The following NT5C2 variants were observed in gnomAD, a reference collection of about 807,000 sequenced individuals.
NT5C2 encodes cytosolic purine 5'-nucleotidase.
Under a neutral mutation model 76.1 loss-of-function variants are expected in NT5C2, and 58 were observed. The observed-to-expected ratio is 0.76, with a 90% CI of 0.62 to 0.95. The LOEUF (loss-of-function observed/expected upper bound fraction) is 0.95, where lower values mean the gene tolerates loss of function less well. Ranked by LOEUF, NT5C2 falls within the 40% of genes least tolerant of loss-of-function variation. NT5C2 has a pLI of 0.00. For missense variants in NT5C2, 478 were observed against 690.3 expected (o/e 0.69, Z 3.45); for synonymous variants, 229 against 237.4 (o/e 0.96, Z 0.32).
intron 3 of NT5C2, among the ~76,000 whole-genome samples, chr10:103,164,665 A>G (rs2085911843): frequency 6.6e-6 from 1 of 152,246 alleles, no homozygotes; most frequent in African/African-American, 2.4e-5. Context: ...AGTAATTAAA[A>G]AGAACAAATT....
intron 6 of NT5C2, among the ~76,000 whole-genome samples, chr10:103,103,708 A>C (rs1452720183): frequency 6.6e-6 from 1 of 152,184 alleles, no homozygotes; most frequent in Non-Finnish European, 1.5e-5. Flanking sequence ...CAGAATAAAA[A>C]TTTATCAAAA....
chr10:103,173,779 GTAAA>G (rs2088987751), intron 3 of NT5C2, among the ~76,000 whole-genome samples: 1 of 150,556 alleles, frequency 6.6e-6, no homozygotes, highest in African/African-American at 2.4e-5. Context: ...AAAAAAATAA[GTAAA>G]TAAATAAAAA....
At chr10:103,166,611 AC>A (rs1416295525) in intron 3 of NT5C2, among the ~76,000 whole-genome samples, 1 of 120,294 alleles carries the variant, frequency 8.3e-6, no homozygotes, top group Non-Finnish European at 2.0e-5. Flanking sequence ...ATGATAAAAA[AC>A]AAACAAACAA....
intron 3 of NT5C2, among the ~76,000 whole-genome samples, chr10:103,157,296 T>C (rs1377913214): frequency 6.6e-6 from 1 of 152,076 alleles, no homozygotes; most frequent in Non-Finnish European, 1.5e-5. Flanking sequence ...CTTTAGACTT[T>C]GGCAGGGTAA....
intron 4 of NT5C2, among the ~76,000 whole-genome samples, chr10:103,108,035 A>C (rs927572846): frequency 4.6e-5 from 7 of 151,850 alleles, no homozygotes; most frequent in Admixed American, 1.3e-4. Context: ...GGCACCTGTA[A>C]TCCCAGCTAC....
At chr10:103,141,286 C>A (rs1307802852) in intron 3 of NT5C2, among the ~76,000 whole-genome samples, 1 of 151,970 alleles carries the variant, frequency 6.6e-6, no homozygotes, top group Non-Finnish European at 1.5e-5. Flanking sequence ...GGTGAGAACC[C>A]AACTCTACAA....
rs769321277 is a variant in NT5C2, at chr10:103,099,943, C to G, written c.616G>C (p.Asp206His). The G allele has an allele frequency of 1.2e-6, 2 of 1,611,362 alleles. No individual in the cohort carries two copies. The highest frequency in any genetic ancestry group is 1.7e-6 in the Non-Finnish European group (2 of 1,177,754). ...CTAGGTACCTTGTAATGAACCCAGT[C>G]AACAGCATCTCTTACATCCTGGAAC... is the stretch of plus-strand genomic sequence containing the variant. ...SMFQDVRDAVDWVHYKGSLKE... is the reference protein window; with the variant it reads ...SMFQDVRDAVHWVHYKGSLKE... Residue 206 changes from aspartate to histidine, a missense_variant, in exon 9 of 19, where the codon GAC becomes CAC. Physicochemically the swap from Asp to His is moderately conservative, Grantham distance 81 (BLOSUM62 -1). Coordinates refer to ENST00000404739, the MANE Select transcript of NT5C2 (RefSeq NM_001351169.2).
At chr10:103,098,306 A>T (rs890306561) in intron 10 of NT5C2, 7 of 258,526 alleles carry the variant, frequency 2.7e-5, no homozygotes, top group South Asian at 7.7e-5. Context: ...CAGATTTTTT[A>T]AAAAATTTTA....
At position 103,186,086 on chromosome 10, in the gene NT5C2, G is replaced by A. The variant is rs564049839; in HGVS notation, c.-168-4758C>T. Among the ~76,000 whole-genome samples the A allele has an allele frequency of 2.0e-5, 3 of 152,318 alleles. No individual in the cohort carries two copies. The South Asian group carries it at 6.2e-4, about 32-fold the overall frequency. On this transcript the variant is annotated intron_variant, in intron 1 of 18. Transcript: ENST00000404739. ...TTTACGAAGAAGTAAACAGGAAAGA[G>A]AAGTTAGATAATTTGAAGTCACAGA...
intron 3 of NT5C2, among the ~76,000 whole-genome samples, chr10:103,142,986 C>CAAA (rs371773086): frequency 9.9e-5 from 5 of 50,362 alleles, no homozygotes; most frequent in African/African-American, 2.1e-4. Context: ...AAGATTCCAT[C>CAAA]AAAAAAAAAA....
intron 3 of NT5C2, among the ~76,000 whole-genome samples, chr10:103,148,463 T>C (rs996921879): frequency 1.3e-5 from 2 of 152,040 alleles, no homozygotes; most frequent in Non-Finnish European, 2.9e-5. Flanking sequence ...TAGCCGGGCA[T>C]GGTGGCAGGT....
rs938270721 is a variant in NT5C2, at chr10:103,088,215, A to G, written c.*1457T>C. 5.3e-5 allele frequency: 8 copies of G among 152,352 alleles called. No individual in the cohort carries two copies. The highest frequency in any genetic ancestry group is 2.1e-4 in the South Asian group (1 of 4,822). The allele number at this position is 152,352 out of a possible 1,614,324, so 9.4% of individuals were successfully genotyped here. On this transcript the variant is annotated 3_prime_UTR_variant, in exon 19 of 19. Coordinates refer to ENST00000404739, the MANE Select transcript of NT5C2 (RefSeq NM_001351169.2). ...CTAATCTACCCTCCCCTATTGACCA[A>G]TGACAAGAATGGAAGAAAATATACA...
intron 4 of NT5C2, among the ~76,000 whole-genome samples, chr10:103,121,329 T>C (rs369324107): frequency 6.6e-6 from 1 of 152,248 alleles, no homozygotes; most frequent in African/African-American, 2.4e-5. Context: ...GGACTTGAGA[T>C]GCCTGTAGTG....
At chr10:103,184,525 T>C (rs966209553) in intron 1 of NT5C2, among the ~76,000 whole-genome samples, 3 of 152,166 alleles carry the variant, frequency 2.0e-5, no homozygotes, top group African/African-American at 7.2e-5. Flanking sequence ...ATAAGCTCCA[T>C]AAGGGAGAGG....
intron 4 of NT5C2, 33 bp downstream of exon 4, chr10:103,139,373 G>A: frequency 1.4e-6 from 2 of 1,438,308 alleles, no homozygotes; most frequent in East Asian, 2.4e-5. Flanking sequence ...ACCCAAAGCA[G>A]CAGTTCTTAA....
At chr10:103,103,504 T>C (rs1262111292) in intron 6 of NT5C2, among the ~76,000 whole-genome samples, 1 of 152,218 alleles carries the variant, frequency 6.6e-6, no homozygotes, top group Non-Finnish European at 1.5e-5. Context: ...TAACATTTAT[T>C]AGGCAGTTAG....
rs750341901 is a variant in NT5C2 at position 103,095,915 on chromosome 10, G to T, written c.813+24C>A. On this transcript the variant is annotated intron_variant, in intron 12 of 18. Coordinates refer to ENST00000404739, the MANE Select transcript of NT5C2 (RefSeq NM_001351169.2). ...ATGCATTCATTGTTATTAAAGCAGT[G>T]GTCTATTGAGTCACATACGGTACCT... The T allele has an allele frequency of 1.3e-5, 20 of 1,591,192 alleles. No individual in the cohort carries two copies. The Admixed American group carries it at 1.3e-4, about 11-fold the overall frequency.
chr10:103,183,508 CTTTTTTTTTTT>C (rs541606520), intron 1 of NT5C2, among the ~76,000 whole-genome samples: 2 of 118,108 alleles, frequency 1.7e-5, no homozygotes, highest in African/African-American at 6.4e-5. Flanking sequence ...TAAACAAATG[CTTTTTTTTTTT>C]TTTTTTTTTA....
intron 4 of NT5C2, among the ~76,000 whole-genome samples, chr10:103,108,436 T>C (rs566870546): frequency 1.3e-4 from 20 of 152,326 alleles, no homozygotes; most frequent in African/African-American, 4.3e-4. Context: ...TTGCAATTAG[T>C]CTACCTATCC....
Sources: gnomAD v4.1 joint callset for allele counts (sites outside exome capture counted in the v4.1 genomes callset) on GRCh38, gnomAD v4.1.1 for gene constraint, MANE v1.5 for transcripts, NCBI Gene and HGNC (gene_info 2026-07-23, HGNC 2026-07-21) for gene names.